The following ACOT13 variants were observed in gnomAD, a reference collection of about 807,000 sequenced individuals.
ACOT13 encodes acyl-coenzyme A thioesterase 13.
In ACOT13, 10 loss-of-function variants were observed where a neutral mutation model predicts 11.8. The ratio of observed to expected loss-of-function variants is 0.85; its 90% CI spans 0.53 to 1.44. The LOEUF (loss-of-function observed/expected upper bound fraction) is 1.44, where lower values mean the gene tolerates loss of function less well. Ranked by LOEUF, ACOT13 falls within the 40% of genes most tolerant of loss-of-function variation. The pLI is 0.00. For synonymous variants in ACOT13, 53 were observed against 61.0 expected (o/e 0.87, Z 0.61); for missense variants, 172 against 174.1 (o/e 0.99, Z 0.07).
chr6:24,686,740 AC>A (rs988207399), intron 1 of ACOT13, among the ~76,000 whole-genome samples: 2 of 148,164 alleles, frequency 1.3e-5, no homozygotes, highest in African/African-American at 5.0e-5. Flanking sequence ...TTACCCTGTC[AC>A]CCAGGCTAGA....
In ACOT13 at chr6:24,698,055, A is replaced by T; in HGVS notation, c.254A>T (p.Asp85Val). 1 of 1,608,132 alleles carries T rather than the reference A, an allele frequency of 6.2e-7. No homozygotes were observed. Among genetic ancestry groups the T allele is most frequent in the South Asian group, 1.1e-5 (1 of 89,790 alleles). The stretch of plus-strand genomic sequence containing the variant: ...AGGGGAGCACCCGGAGTCAGTGTCG[A>T]TATGAACATAACGTATGTATCCAAA... ...TERGAPGVSVDMNITYMSPAK... is the reference protein window; with the variant it reads ...TERGAPGVSVVMNITYMSPAK... The change falls in exon 2 of 3, where the codon GAT (aspartate) becomes GTT (valine). Residue 85 changes from aspartate (D) to valine (V), a missense_variant. Asp to Val is a radical substitution (Grantham distance 152). Coordinates refer to ENST00000230048, the MANE Select transcript of ACOT13 (RefSeq NM_018473.4).
Position 24,702,429 on chromosome 6 carries a change from G to A in ACOT13, c.*814G>A, listed in dbSNP as rs1778908840. 6.6e-6 allele frequency: 1 copy of A among 152,066 alleles called. No individual in the cohort carries two copies. The highest frequency in any genetic ancestry group is 2.4e-5 in the African/African-American group (1 of 41,386). The allele number at this position is 152,066 out of a possible 1,614,324, so 9.4% of individuals were successfully genotyped here. A position where few individuals can be genotyped will look rare whatever the true frequency, so the allele number is the denominator to read the frequency against. On this transcript the variant is annotated 3_prime_UTR_variant, in exon 3 of 3. Transcript: ENST00000230048. ...CCCAGCCTGGGTTCTCTTTTGTAAGGGCACTTACTCCAATCTTGAGGGTTC... is the reference window on the plus strand; with the variant it reads ...CCCAGCCTGGGTTCTCTTTTGTAAGAGCACTTACTCCAATCTTGAGGGTTC...
At chr6:24,699,497 A>C (rs145783691) in intron 2 of ACOT13, among the ~76,000 whole-genome samples, 4,096 of 152,342 alleles carry the variant, frequency 0.027, 72 homozygotes, top group African/African-American at 0.052. Context: ...GGCGTGAGCC[A>C]CCGCGCCCAG....
chr6:24,687,207 C>G (rs927807898), intron 1 of ACOT13, among the ~76,000 whole-genome samples: 1 of 152,214 alleles, frequency 6.6e-6, no homozygotes, highest in Non-Finnish European at 1.5e-5. Context: ...CAATAACTCT[C>G]CATTTCTCCT....
chr6:24,674,590 A>G (rs138961303), intron 1 of ACOT13, among the ~76,000 whole-genome samples: 93 of 151,440 alleles, frequency 6.1e-4, no homozygotes, highest in African/African-American at 2.1e-3. Flanking sequence ...CATTTTTTGT[A>G]TATTTAGTAG....
chr6:24,698,839 T>C (rs538299748), intron 2 of ACOT13, among the ~76,000 whole-genome samples: 8 of 152,192 alleles, frequency 5.3e-5, no homozygotes, highest in African/African-American at 1.9e-4. Flanking sequence ...GGTTTCACCA[T>C]GTTGGCCAGG....
intron 1 of ACOT13, among the ~76,000 whole-genome samples, chr6:24,680,992 C>T (rs1778539130): frequency 6.6e-6 from 1 of 152,142 alleles, no homozygotes; most frequent in South Asian, 2.1e-4. Flanking sequence ...TGGGAGGAAC[C>T]ATCTATCGTC....
chr6:24,692,480 G>A lies in ACOT13; in HGVS notation c.82-5403G>A, dbSNP rs116567070. ...CAGCCAAGCTGTAGTGCAGTGGCACGATCACAGCTTACTGTAACCTTGACC... is the reference window on the plus strand; with the variant it reads ...CAGCCAAGCTGTAGTGCAGTGGCACAATCACAGCTTACTGTAACCTTGACC... On this transcript the variant is annotated intron_variant, in intron 1 of 2. Coordinates refer to ENST00000230048, the MANE Select transcript of ACOT13 (RefSeq NM_018473.4). 2.8e-3 allele frequency among the ~76,000 whole-genome samples: 431 copies of A among 152,286 alleles called. 3 individuals carry two copies. Among genetic ancestry groups the A allele is most frequent in the African/African-American group, 9.1e-3 (380 of 41,554 alleles).
At chr6:24,689,658 C>T (rs1778692413) in intron 1 of ACOT13, among the ~76,000 whole-genome samples, 1 of 152,048 alleles carries the variant, frequency 6.6e-6, no homozygotes, top group African/African-American at 2.4e-5. Context: ...GAATGATATT[C>T]AGCACCGAAA....
At chr6:24,694,197 A>G (rs1323210571) in intron 1 of ACOT13, among the ~76,000 whole-genome samples, 1 of 152,196 alleles carries the variant, frequency 6.6e-6, no homozygotes, top group Non-Finnish European at 1.5e-5. Context: ...CAATTGTCCA[A>G]CCTGCAGGAT....
chr6:24,678,702 C>T (rs182194146), intron 1 of ACOT13, among the ~76,000 whole-genome samples: 23 of 152,266 alleles, frequency 1.5e-4, no homozygotes, highest in South Asian at 1.0e-3. Flanking sequence ...AATGTCTCCC[C>T]CTAACAAGGG....
At chr6:24,675,214 C>T (rs1489225916) in intron 1 of ACOT13, among the ~76,000 whole-genome samples, 1 of 152,126 alleles carries the variant, frequency 6.6e-6, no homozygotes, top group Non-Finnish European at 1.5e-5. Context: ...GTCTTTACAG[C>T]AGCATGATTT....
chr6:24,677,500 CCA>C (rs1778474871), intron 1 of ACOT13, among the ~76,000 whole-genome samples: 1 of 152,214 alleles, frequency 6.6e-6, no homozygotes, highest in African/African-American at 2.4e-5. Context: ...CAACCCTTTG[CCA>C]GTACATCAAT....
intron 1 of ACOT13, among the ~76,000 whole-genome samples, chr6:24,694,152 A>G (rs1778759541): frequency 6.6e-6 from 1 of 152,206 alleles, no homozygotes; most frequent in African/African-American, 2.4e-5. Context: ...TGTGGCAAAT[A>G]GTGCTGAGCC....
chr6:24,698,239 G>A (rs1294570974), intron 2 of ACOT13, among the ~76,000 whole-genome samples, 172 bp downstream of exon 2: 2 of 152,188 alleles, frequency 1.3e-5, no homozygotes, highest in Non-Finnish European at 2.9e-5. Flanking sequence ...TCTAGAACTA[G>A]AGCAGTTAAT....
At chr6:24,672,511 C>T (rs1007383655) in intron 1 of ACOT13, among the ~76,000 whole-genome samples, 6 of 152,182 alleles carry the variant, frequency 3.9e-5, no homozygotes, top group Admixed American at 3.3e-4. Flanking sequence ...TGGTGGCACG[C>T]GTCTGTAGTC....
At chr6:24,689,189 T>C (rs1266072640) in intron 1 of ACOT13, among the ~76,000 whole-genome samples, 3 of 151,746 alleles carry the variant, frequency 2.0e-5, no homozygotes, top group African/African-American at 7.3e-5. Flanking sequence ...AAATATATAC[T>C]CTTAATACCC....
intron 2 of ACOT13, among the ~76,000 whole-genome samples, chr6:24,698,533 C>G (rs1778835989): frequency 6.6e-6 from 1 of 151,412 alleles, no homozygotes; most frequent in Non-Finnish European, 1.5e-5. Flanking sequence ...TTTAAAAATA[C>G]CACTTATAAC....
intron 2 of ACOT13, among the ~76,000 whole-genome samples, chr6:24,698,958 T>A (rs905484788): frequency 6.6e-6 from 1 of 152,152 alleles, no homozygotes; most frequent in Non-Finnish European, 1.5e-5. Context: ...TACACAGACA[T>A]GTTCTGTGAG....
Sources: allele counts gnomAD v4.1 joint callset (sites outside exome capture counted in the v4.1 genomes callset), GRCh38; gene constraint gnomAD v4.1.1; transcripts MANE v1.5; gene names NCBI Gene and HGNC (gene_info 2026-07-23, HGNC 2026-07-21).